Variants in PTPRD observed in about 807,000 individuals in gnomAD.
The protein encoded by PTPRD is protein tyrosine phosphatase receptor type D.
Under a neutral mutation model 214.5 loss-of-function variants are expected in PTPRD, and 34 were observed. The ratio of observed to expected loss-of-function variants is 0.16; its 90% CI spans 0.12 to 0.21. The LOEUF (loss-of-function observed/expected upper bound fraction) is 0.21, where lower values mean the gene tolerates loss of function less well. PTPRD is among the 10% of genes least tolerant of loss of function. PTPRD has a pLI of 1.00. For synonymous variants in PTPRD, 1,128 were observed against 845.7 expected (o/e 1.33, Z -5.79); for missense variants, 2,545 against 2,398.7 (o/e 1.06, Z -1.27).
chr9:8,349,249 C>A (rs750397115), intron 39 of PTPRD, among the ~76,000 whole-genome samples: 1 of 152,222 alleles, frequency 6.6e-6, no homozygotes, highest in East Asian at 1.9e-4. Context: ...AATAACAAAC[C>A]TCCGGCACTT....
chr9:8,384,416 C>A (rs976305532), intron 37 of PTPRD, among the ~76,000 whole-genome samples: 10 of 152,154 alleles, frequency 6.6e-5, no homozygotes, highest in East Asian at 3.9e-4. Context: ...GGAAAAAAAA[C>A]CACTAACAGT....
chr9:9,426,706 G>C (rs905562090), intron 8 of PTPRD, among the ~76,000 whole-genome samples: 3 of 152,112 alleles, frequency 2.0e-5, no homozygotes, highest in Non-Finnish European at 4.4e-5. Context: ...TCTGAGACGA[G>C]GCTTCCAGAA....
At chr9:10,331,995 A>C (rs1486059614) in intron 3 of PTPRD, among the ~76,000 whole-genome samples, 1 of 151,860 alleles carries the variant, frequency 6.6e-6, no homozygotes, top group Non-Finnish European at 1.5e-5. Flanking sequence ...TGAGTAGTTA[A>C]TCACACACTA....
chr9:10,224,217 A>G (rs1479308782), intron 3 of PTPRD, among the ~76,000 whole-genome samples: 3 of 152,008 alleles, frequency 2.0e-5, no homozygotes, highest in Non-Finnish European at 2.9e-5. Flanking sequence ...TATTTAAAAT[A>G]AGATAGTATA....
chr9:10,014,419 C>T lies in PTPRD; in HGVS notation c.-472+19299G>A, dbSNP rs116647254. 6.6e-3 allele frequency among the ~76,000 whole-genome samples: 996 copies of T among 152,042 alleles called. 9 individuals are homozygous for T. Among genetic ancestry groups the T allele is most frequent in the African/African-American group, 0.022 (928 of 41,520 alleles). On this transcript the variant is annotated intron_variant, in intron 4 of 45. Coordinates refer to ENST00000381196, the MANE Select transcript of PTPRD (RefSeq NM_002839.4). ...ACTGTTAATTGCATATATAAAAGTC[C>T]AGTGACCATGAAGCATTCTAGGTGC...
chr9:8,489,490 T>G (rs1298921948), intron 27 of PTPRD, among the ~76,000 whole-genome samples: 2 of 152,138 alleles, frequency 1.3e-5, no homozygotes, highest in African/African-American at 2.4e-5. Context: ...AGCCTGGAAG[T>G]GCCACAAAGC....
intron 7 of PTPRD, among the ~76,000 whole-genome samples, chr9:9,678,102 A>G (rs1271330456): frequency 6.6e-6 from 1 of 152,144 alleles, no homozygotes; most frequent in Non-Finnish European, 1.5e-5. Flanking sequence ...TTCCATGCTC[A>G]TGGGTAGGAA....
intron 4 of PTPRD, among the ~76,000 whole-genome samples, chr9:10,014,224 T>C (rs2096655786): frequency 6.6e-6 from 1 of 151,908 alleles, no homozygotes; most frequent in South Asian, 2.1e-4. Flanking sequence ...AGCAGGAAAA[T>C]AAATGTTTTT....
At chr9:9,216,890 G>T (rs978851850) in intron 9 of PTPRD, among the ~76,000 whole-genome samples, 3 of 151,884 alleles carry the variant, frequency 2.0e-5, no homozygotes, top group African/African-American at 4.8e-5. Context: ...ATGACTTTTG[G>T]TTACCAACAT....
At chr9:8,917,114 TTTCTTCTTC>T (rs542752335) in intron 11 of PTPRD, among the ~76,000 whole-genome samples, 2 of 149,608 alleles carry the variant, frequency 1.3e-5, no homozygotes, top group Non-Finnish European at 3.0e-5. Flanking sequence ...TAATAGATTA[TTTCTTCTTC>T]TTCTTCTTCT....
At chr9:9,832,729 C>G (rs1465233339) in intron 5 of PTPRD, among the ~76,000 whole-genome samples, 1 of 151,932 alleles carries the variant, frequency 6.6e-6, no homozygotes, top group Admixed American at 6.6e-5. Flanking sequence ...GGAACATAAC[C>G]TCTCTGGATG....
chr9:9,228,294 G>A (rs937989921), intron 9 of PTPRD, among the ~76,000 whole-genome samples: 1 of 151,996 alleles, frequency 6.6e-6, no homozygotes, highest in African/African-American at 2.4e-5. Context: ...ATGTGTTACT[G>A]TAGAAACTCC....
chr9:9,794,677 T>C (rs963575923), intron 5 of PTPRD, among the ~76,000 whole-genome samples: 3 of 152,152 alleles, frequency 2.0e-5, no homozygotes, highest in Non-Finnish European at 4.4e-5. Context: ...CCCTGAAATA[T>C]AAGAATTACT....
chr9:8,568,977 T>A (rs2090280822), intron 14 of PTPRD, among the ~76,000 whole-genome samples: 1 of 152,122 alleles, frequency 6.6e-6, no homozygotes, highest in African/African-American at 2.4e-5. Flanking sequence ...TATAGAAATA[T>A]GCTTCCCAAG....
rs181296296 is a variant in PTPRD at position 10,604,771 on chromosome 9, T to C, written c.-600+7627A>G. 2.5e-3 allele frequency among the ~76,000 whole-genome samples: 376 copies of C among 151,996 alleles called. 2 individuals carry two copies. The highest frequency in any genetic ancestry group is 7.9e-3 in the African/African-American group (328 of 41,492). On this transcript the variant is annotated intron_variant, in intron 2 of 45. Transcript: ENST00000381196. ...AACAGGTACCATAGATAAGTGTTAA[T>C]TGAGAACTAATTGAATGTATTATAT...
At chr9:10,285,890 G>A (rs1212464406) in intron 3 of PTPRD, among the ~76,000 whole-genome samples, 1 of 151,984 alleles carries the variant, frequency 6.6e-6, no homozygotes, top group African/African-American at 2.4e-5. Flanking sequence ...ATACAGGCGT[G>A]AGCTACTGTG....
chr9:10,379,942 G>A (rs80119520), intron 2 of PTPRD, among the ~76,000 whole-genome samples: 2,613 of 151,922 alleles, frequency 0.017, 84 homozygotes, highest in African/African-American at 0.06. Context: ...ACTATTCATT[G>A]TTGTTTATAT....
chr9:9,423,905 C>T (rs1211264837), intron 8 of PTPRD, among the ~76,000 whole-genome samples: 4 of 152,156 alleles, frequency 2.6e-5, no homozygotes, highest in Non-Finnish European at 4.4e-5. Flanking sequence ...AAAGGTCTAA[C>T]ATACTTTTAG....
At chr9:9,108,059 C>A (rs746908307) in intron 10 of PTPRD, among the ~76,000 whole-genome samples, 2 of 152,048 alleles carry the variant, frequency 1.3e-5, no homozygotes, top group Admixed American at 1.3e-4. Flanking sequence ...ATCAGAAAAC[C>A]ATTTAGTAAA....
Sources: gnomAD v4.1 joint callset for allele counts (sites outside exome capture counted in the v4.1 genomes callset) on GRCh38, gnomAD v4.1.1 for gene constraint, MANE v1.5 for transcripts, NCBI Gene and HGNC (gene_info 2026-07-23, HGNC 2026-07-21) for gene names.